DCC: variants seen among roughly 807,000 people sequenced by gnomAD.
The protein encoded by DCC is netrin receptor DCC.
A neutral mutation model predicts 172.5 loss-of-function variants in DCC; 58 were observed. The ratio of observed to expected loss-of-function variants is 0.34; its 90% CI spans 0.27 to 0.42. DCC has a LOEUF of 0.42. Ranked by LOEUF, DCC falls within the 10% of genes least tolerant of loss-of-function variation. DCC has a pLI of 1.00. For synonymous variants in DCC, 709 were observed against 644.5 expected, an observed-to-expected ratio of 1.10 and a Z score of -1.52; for missense variants, 1,740 against 1,791.0, an observed-to-expected ratio of 0.97 and a Z score of 0.51.
chr18:52,939,666 T>A (rs928494051), intron 5 of DCC, among the ~76,000 whole-genome samples: 2 of 152,170 alleles, frequency 1.3e-5, no homozygotes. Context: ...GAGATACTAT[T>A]TTTAATATTT....
At chr18:52,442,113 AT>A (rs541474798) in intron 1 of DCC, among the ~76,000 whole-genome samples, 4 of 152,120 alleles carry the variant, frequency 2.6e-5, no homozygotes, top group Non-Finnish European at 5.9e-5. Context: ...ATGGAATGTG[AT>A]TTTTTTATGC....
chr18:53,333,503 T>A (rs755079575), intron 14 of DCC, among the ~76,000 whole-genome samples: 10 of 152,218 alleles, frequency 6.6e-5, no homozygotes, highest in Non-Finnish European at 1.3e-4. Flanking sequence ...TGGTGGCGAC[T>A]GTTTGCATTA....
intron 21 of DCC, among the ~76,000 whole-genome samples, chr18:53,426,280 T>TTTATATATAAA (rs1910935291): frequency 1.5e-5 from 2 of 136,400 alleles, no homozygotes; most frequent in South Asian, 2.2e-4. Context: ...TATTTATATA[T>TTTATATATAAA]TACATATTTA....
intron 5 of DCC, among the ~76,000 whole-genome samples, chr18:52,956,705 ACAAT>A (rs1231398405): frequency 2.6e-5 from 4 of 152,174 alleles, no homozygotes; most frequent in African/African-American, 9.6e-5. Context: ...ACGTCTTCAC[ACAAT>A]CAGTCATATC....
chr18:52,859,869 G>C (rs1379612240), intron 2 of DCC, among the ~76,000 whole-genome samples: 1 of 152,170 alleles, frequency 6.6e-6, no homozygotes, highest in South Asian at 2.1e-4. Flanking sequence ...GGTAGCTTTG[G>C]AGAAATTTGG....
intron 1 of DCC, among the ~76,000 whole-genome samples, chr18:52,540,876 GATTGC>G (rs2032426178): frequency 6.6e-6 from 1 of 152,098 alleles, no homozygotes; most frequent in Non-Finnish European, 1.5e-5. Context: ...AAAGTGCTGG[GATTGC>G]AGGCATGAGC....
chr18:53,231,761 A>T (rs779163330), intron 12 of DCC, among the ~76,000 whole-genome samples: 1 of 152,094 alleles, frequency 6.6e-6, no homozygotes, highest in Non-Finnish European at 1.5e-5. Flanking sequence ...CAGTATTAAC[A>T]ATTTTAATTC....
At chr18:53,101,942 G>T (rs776187865) in intron 7 of DCC, among the ~76,000 whole-genome samples, 3 of 152,094 alleles carry the variant, frequency 2.0e-5, no homozygotes, top group African/African-American at 4.8e-5. Flanking sequence ...TACTTCAGGA[G>T]TAGGGAATGA....
At chr18:53,480,134 C>T (rs1405493119) in intron 25 of DCC, among the ~76,000 whole-genome samples, 2 of 152,136 alleles carry the variant, frequency 1.3e-5, no homozygotes, top group Non-Finnish European at 2.9e-5. Context: ...TTCATAGACA[C>T]ATCTCATTTG....
chr18:52,907,554 C>T (rs1375253930), intron 3 of DCC, among the ~76,000 whole-genome samples: 1 of 152,048 alleles, frequency 6.6e-6, no homozygotes, highest in Non-Finnish European at 1.5e-5. Context: ...GCTGGGACCA[C>T]AGAATTGTGG....
intron 15 of DCC, among the ~76,000 whole-genome samples, chr18:53,376,860 C>T (rs1291966986): frequency 6.6e-6 from 1 of 152,082 alleles, no homozygotes; most frequent in Non-Finnish European, 1.5e-5. Flanking sequence ...CTTGATTTTT[C>T]CCTTTCTTCA....
chr18:52,976,202 T>G (rs1024853638), intron 5 of DCC, among the ~76,000 whole-genome samples: 2 of 144,616 alleles, frequency 1.4e-5, no homozygotes, highest in South Asian at 2.1e-4. Flanking sequence ...TAGGGTCATG[T>G]TTTTTTTTTG....
chr18:52,525,423 C>T (rs1443786796), intron 1 of DCC, among the ~76,000 whole-genome samples: 1 of 152,176 alleles, frequency 6.6e-6, no homozygotes. Flanking sequence ...CAAACTGTGG[C>T]CTGTGGGCCA....
At chr18:52,465,453 T>G (rs1374461480) in intron 1 of DCC, among the ~76,000 whole-genome samples, 1 of 152,170 alleles carries the variant, frequency 6.6e-6, no homozygotes, top group Non-Finnish European at 1.5e-5. Context: ...CAGCTCACCA[T>G]GGACCTTTAT....
At chr18:52,499,403 C>A (rs141652249) in intron 1 of DCC, among the ~76,000 whole-genome samples, 6 of 152,100 alleles carry the variant, frequency 3.9e-5, no homozygotes, top group African/African-American at 1.4e-4. Flanking sequence ...TACCTATTAG[C>A]GGCCTGTTTT....
chr18:52,524,529 C>T (rs887209220), intron 1 of DCC, among the ~76,000 whole-genome samples: 2 of 152,198 alleles, frequency 1.3e-5, no homozygotes, highest in South Asian at 4.1e-4. Flanking sequence ...CTTTTCTATA[C>T]ACAGCAGCAA....
At chr18:53,256,115 C>A (rs1568394480) in intron 12 of DCC, among the ~76,000 whole-genome samples, 1 of 151,844 alleles carries the variant, frequency 6.6e-6, no homozygotes, top group Non-Finnish European at 1.5e-5. Context: ...GGATATTAGC[C>A]CTTTGTCAGA....
chr18:52,380,590 C>A (rs556717671), intron 1 of DCC, among the ~76,000 whole-genome samples: 1 of 152,048 alleles, frequency 6.6e-6, no homozygotes, highest in Non-Finnish European at 1.5e-5. Context: ...CACTGGATTT[C>A]GAGATTTAAC....
At chr18:53,330,585 T>C (rs976550310) in intron 14 of DCC, among the ~76,000 whole-genome samples, 1 of 152,130 alleles carries the variant, frequency 6.6e-6, no homozygotes, top group Non-Finnish European at 1.5e-5. Flanking sequence ...GATATGACGA[T>C]GTCAGTTCGC....
Sources: allele counts gnomAD v4.1 joint callset (sites outside exome capture counted in the v4.1 genomes callset), GRCh38; gene constraint gnomAD v4.1.1; transcripts MANE v1.5; gene names NCBI Gene and HGNC (gene_info 2026-07-23, HGNC 2026-07-21).